The following PCDHGB2 variants were observed in gnomAD, a reference collection of about 807,000 sequenced individuals.
PCDHGB2 encodes the protein protocadherin gamma-B2.
PCDHGB2 carries 55 observed loss-of-function variants against 59.3 expected under a neutral mutation model. The ratio of observed to expected loss-of-function variants is 0.93; its 90% CI spans 0.75 to 1.16. The LOEUF (loss-of-function observed/expected upper bound fraction) is 1.16, where lower values mean the gene tolerates loss of function less well. Ranked by LOEUF, PCDHGB2 falls within the 50% of genes most tolerant of loss-of-function variation. PCDHGB2 has a pLI of 0.00. For missense variants in PCDHGB2, 1,228 were observed against 1,198.5 expected, an observed-to-expected ratio of 1.02 and a Z score of -0.36; for synonymous variants, 516 against 512.0, an observed-to-expected ratio of 1.01 and a Z score of -0.11.
chr5:141,440,481 T>C (rs1451820594), intron 1 of PCDHGB2: 1 of 152,196 alleles, frequency 6.6e-6, no homozygotes, highest in African/African-American at 2.4e-5. Context: ...GAAAATTCTT[T>C]AAATGTTTTT....
At chr5:141,492,673 C>T (rs2099743035) in intron 1 of PCDHGB2, among the ~76,000 whole-genome samples, 1 of 152,250 alleles carries the variant, frequency 6.6e-6, no homozygotes, top group Non-Finnish European at 1.5e-5. Flanking sequence ...GGGACTCCGT[C>T]TCAAGGGTCG....
intron 1 of PCDHGB2, chr5:141,375,274 A>G: frequency 1.9e-6 from 3 of 1,613,898 alleles, no homozygotes; most frequent in Non-Finnish European, 2.5e-6. Context: ...TGGAAAAATC[A>G]GTTGGCAATT....
rs895234762 is a variant in PCDHGB2 at position 141,476,911 on chromosome 5, A to G, written c.2422-17896A>G. 4 of 1,613,972 alleles carry G rather than the reference A, an allele frequency of 2.5e-6. No individual in the cohort carries two copies. The African/African-American group carries it at 4.0e-5, about 16-fold the overall frequency. On this transcript the variant is annotated intron_variant, in intron 1 of 3. Transcript: ENST00000522605. This position sits in a 1 kb window ranked among gnomAD's most constrained non-coding sequence, Gnocchi z 7.6. ...CACCCTCCGGCACGCGCGTGGTACA[A>G]GTCCTTGCAACGGATCTGGATGAAG...
intron 1 of PCDHGB2, chr5:141,372,386 C>T (rs376952769): frequency 2.8e-5 from 45 of 1,614,038 alleles, no homozygotes; most frequent in Non-Finnish European, 3.8e-5. Flanking sequence ...ACCTAATCTT[C>T]GCAGATAGCT....
intron 1 of PCDHGB2, among the ~76,000 whole-genome samples, chr5:141,373,062 C>T (rs898228375): frequency 1.3e-5 from 2 of 152,140 alleles, no homozygotes; most frequent in African/African-American, 4.8e-5. Flanking sequence ...TAATCTGAAA[C>T]ATTTTTAATA....
Position 141,504,710 on chromosome 5 carries a change from G to A in PCDHGB2, c.2481-683G>A, listed in dbSNP as rs528205869. The stretch of plus-strand genomic sequence containing the variant: ...AGGAGGGGCAGGTTCTTCTATGGCC[G>A]TGGATTTTACTCTGAGGGCTTAGGA... On this transcript the variant is annotated intron_variant, in intron 2 of 3. Transcript: ENST00000522605. Among the ~76,000 whole-genome samples the A allele has an allele frequency of 1.4e-4, 21 of 151,968 alleles. No homozygotes were observed. The East Asian group carries it at 3.7e-3, about 27-fold the overall frequency.
chr5:141,409,438 A>G (rs1459982502), intron 1 of PCDHGB2: 2 of 1,613,984 alleles, frequency 1.2e-6, no homozygotes, highest in Non-Finnish European at 1.7e-6. Flanking sequence ...CCCTGGACCG[A>G]GAGCAGACAC....
chr5:141,410,508 G>T (rs752298772), intron 1 of PCDHGB2: 1 of 1,613,968 alleles, frequency 6.2e-7, no homozygotes, highest in South Asian at 1.1e-5. Context: ...TTCCTAAAAT[G>T]CAGTGTGCCC....
chr5:141,464,578 A>G (rs2099086989), intron 1 of PCDHGB2, among the ~76,000 whole-genome samples: 1 of 152,164 alleles, frequency 6.6e-6, no homozygotes, highest in Non-Finnish European at 1.5e-5. Flanking sequence ...ATAGATGAGA[A>G]TGTCCATTGT....
At position 141,362,416 on chromosome 5, in the gene PCDHGB2, G is replaced by A; in HGVS notation, c.2281G>A (p.Ala761Thr). The A allele has an allele frequency of 1.9e-6, 3 of 1,614,008 alleles. No individual in the cohort carries two copies. The highest frequency in any genetic ancestry group is 2.5e-6 in the Non-Finnish European group (3 of 1,179,902). Reference protein sequence around the residue: ...SYNLCVASQSAKTEFNFLNIT... With the variant: ...SYNLCVASQSTKTEFNFLNIT... ...CAACCTGTGTGTTGCCTCACAATCA[G>A]CCAAGACAGAGTTCAATTTTCTGAA... is the stretch of plus-strand genomic sequence containing the variant. Residue 761 changes from alanine to threonine, a missense_variant, in exon 1 of 4, where the codon GCC becomes ACC. Physicochemically the swap from Ala to Thr is moderately conservative, Grantham distance 58. Coordinates refer to ENST00000522605, the MANE Select transcript of PCDHGB2 (RefSeq NM_018923.3).
At chr5:141,430,383 GA>G (rs139772145) in intron 1 of PCDHGB2, among the ~76,000 whole-genome samples, 3,229 of 138,382 alleles carry the variant, frequency 0.023, 41 homozygotes, top group African/African-American at 0.033. Flanking sequence ...AGCTCATTGG[GA>G]AAAAAAAAAA....
chr5:141,413,397 T>A, intron 1 of PCDHGB2: 1 of 1,613,942 alleles, frequency 6.2e-7, no homozygotes, highest in Non-Finnish European at 8.5e-7. Context: ...TCTCCAGAGG[T>A]AGGACGCAGC....
At chr5:141,379,767 A>G (rs1366813038) in intron 1 of PCDHGB2, 3 of 152,120 alleles carry the variant, frequency 2.0e-5, no homozygotes, top group Non-Finnish European at 4.4e-5. Context: ...CCTGCAATAC[A>G]GATCATTAAT....
intron 1 of PCDHGB2, among the ~76,000 whole-genome samples, chr5:141,401,758 G>A (rs573644467): frequency 6.6e-6 from 1 of 152,234 alleles, no homozygotes; most frequent in East Asian, 1.9e-4. Flanking sequence ...CCCATTACAT[G>A]GTATAAGTCT....
chr5:141,502,514 T>A (rs2099814743), intron 2 of PCDHGB2, among the ~76,000 whole-genome samples: 1 of 152,202 alleles, frequency 6.6e-6, no homozygotes, highest in African/African-American at 2.4e-5. Flanking sequence ...TGTCCCACTA[T>A]CAGTGATGCC....
intron 1 of PCDHGB2, among the ~76,000 whole-genome samples, chr5:141,434,888 C>T (rs1287540129): frequency 6.6e-6 from 1 of 150,944 alleles, no homozygotes; most frequent in Non-Finnish European, 1.5e-5. Flanking sequence ...AACAACAATC[C>T]AGTCCCCTTC....
chr5:141,423,927 T>A, intron 1 of PCDHGB2: 1 of 1,240,434 alleles, frequency 8.1e-7, no homozygotes, highest in Non-Finnish European at 1.0e-6. Context: ...TATGCTGGTT[T>A]GGTTTGAAGT....
chr5:141,388,511 C>G, intron 1 of PCDHGB2: 1 of 1,613,868 alleles, frequency 6.2e-7, no homozygotes, highest in Non-Finnish European at 8.5e-7. Context: ...AATCCTACCA[C>G]TTGACTTTGA....
chr5:141,503,912 AAC>A lies in PCDHGB2; in HGVS notation c.2481-1471_2481-1470del, dbSNP rs34419983. Among the ~76,000 whole-genome samples, 284 of 152,278 alleles carry A rather than the reference AAC, an allele frequency of 1.9e-3. 1 individual carries two copies. The highest frequency in any genetic ancestry group is 0.014 in the Middle Eastern group (4 of 292). Reference sequence around the variant, plus strand: ...GACAAAATATGCACACACACAACGCAACACACACACAGACATTTTCATGCCTT... The same window carrying A: ...GACAAAATATGCACACACACAACGCAACACACACAGACATTTTCATGCCTT... On this transcript the variant is annotated intron_variant, in intron 2 of 3. Coordinates refer to ENST00000522605, the MANE Select transcript of PCDHGB2 (RefSeq NM_018923.3).
Sources: allele counts gnomAD v4.1 joint callset (sites outside exome capture counted in the v4.1 genomes callset), GRCh38; gene constraint gnomAD v4.1.1; non-coding constraint Gnocchi (gnomAD v3.1); transcripts MANE v1.5; gene names NCBI Gene and HGNC (gene_info 2026-07-23, HGNC 2026-07-21).